Variants in LAMA1 observed in about 807,000 individuals in gnomAD.
The protein encoded by LAMA1 is laminin subunit alpha 1.
A neutral mutation model predicts 348.7 loss-of-function variants in LAMA1; 219 were observed. The observed-to-expected ratio is 0.63, with a 90% CI of 0.56 to 0.70. The LOEUF is 0.70. Among genes scored for constraint, LAMA1 ranks in the 30% least tolerant of loss-of-function variants. The pLI is 0.00. For synonymous variants in LAMA1, 1,487 were observed against 1,491.0 expected, an observed-to-expected ratio of 1.00 and a Z score of 0.06; for missense variants, 3,744 against 3,888.0, an observed-to-expected ratio of 0.96 and a Z score of 0.99.
At chr18:7,073,193 ACTGACCCTGG>A (rs1175361454) in intron 3 of LAMA1, among the ~76,000 whole-genome samples, 12 of 152,256 alleles carry the variant, frequency 7.9e-5, no homozygotes, top group Admixed American at 5.2e-4. Flanking sequence ...CATATTCCTG[ACTGACCCTGG>A]CTGACATAAT....
Position 7,016,363 on chromosome 18 carries a change from T to A in LAMA1, c.2989+128A>T, listed in dbSNP as rs1027742214. 7.6e-6 allele frequency: 8 copies of A among 1,049,440 alleles called. No individual in the cohort carries two copies. The African/African-American group carries it at 9.4e-5, about 12-fold the overall frequency. The allele number at this position is 1,049,440 out of a possible 1,614,324, so 65.0% of individuals were successfully genotyped here. On this transcript the variant is annotated intron_variant, in intron 21 of 62. Transcript: ENST00000389658. ...GGGACCAGAAACCAGAAAAAAGGTA[T>A]GAAATCCTCCAGGGAAAGAAGAGAA...
intron 7 of LAMA1, 119 bp downstream of exon 7, chr18:7,044,603 C>G (rs2058034331): frequency 2.3e-6 from 2 of 852,600 alleles, no homozygotes; most frequent in Non-Finnish European, 4.1e-6. Flanking sequence ...GCTTTGGAAA[C>G]TACTTAAATT....
At chr18:7,104,168 A>G (rs1474153139) in intron 1 of LAMA1, among the ~76,000 whole-genome samples, 6 of 151,998 alleles carry the variant, frequency 3.9e-5, no homozygotes, top group Non-Finnish European at 8.8e-5. Flanking sequence ...TAGTAGAGAC[A>G]GGGTTTCACC....
intron 1 of LAMA1, among the ~76,000 whole-genome samples, chr18:7,104,594 G>T (rs577975038): frequency 6.6e-6 from 1 of 152,326 alleles, no homozygotes; most frequent in African/African-American, 2.4e-5. Flanking sequence ...GATGTGGTTA[G>T]CAGTGGGAGA....
At chr18:6,949,068 A>C in intron 59 of LAMA1, 33 bp downstream of exon 59, 6 of 1,613,866 alleles carry the variant, frequency 3.7e-6, no homozygotes, top group Non-Finnish European at 5.1e-6. Flanking sequence ...AACACAACGA[A>C]GGTAAAATGT....
intron 56 of LAMA1, 34 bp from the exon 57 acceptor site, chr18:6,955,499 C>G: frequency 6.5e-7 from 1 of 1,535,276 alleles, no homozygotes; most frequent in Non-Finnish European, 9.0e-7. Context: ...TCAGCCGCCA[C>G]CCGCAGCCCG....
chr18:7,094,764 A>G (rs1050387766), intron 1 of LAMA1, among the ~76,000 whole-genome samples: 2 of 152,254 alleles, frequency 1.3e-5, no homozygotes, highest in Non-Finnish European at 2.9e-5. Flanking sequence ...AGTAACAACC[A>G]GGGAAATCTA....
chr18:7,041,143 A>G (rs544271521), intron 9 of LAMA1, among the ~76,000 whole-genome samples: 2 of 152,076 alleles, frequency 1.3e-5, no homozygotes, highest in Non-Finnish European at 2.9e-5. Flanking sequence ...TGTAAATTAT[A>G]AAACTGTTTT....
intron 16 of LAMA1, among the ~76,000 whole-genome samples, chr18:7,029,480 T>C (rs1467117084): frequency 6.6e-6 from 1 of 152,240 alleles, no homozygotes; most frequent in East Asian, 1.9e-4. Flanking sequence ...GTCTATGGTA[T>C]GTTTTCTTTG....
At position 7,010,312 on chromosome 18, in the gene LAMA1, A is replaced by G; in HGVS notation, c.3761T>C (p.Phe1254Ser). The G allele has an allele frequency of 6.2e-7, 1 of 1,614,170 alleles. No individual in the cohort carries two copies. Among genetic ancestry groups the G allele is most frequent in the Non-Finnish European group, 8.5e-7 (1 of 1,180,028 alleles). Reference protein sequence around the residue: ...YSLDGVGTSNFEPQVLIKGGR... With the variant: ...YSLDGVGTSNSEPQVLIKGGR... ...ACCTTTGATGAGAACTTGAGGCTCA[A>G]AATTGGAGGTGCCGACGCCATCCAA... The change falls in exon 26 of 63, where the codon TTT becomes TCT. Residue 1254 changes from phenylalanine (F) to serine (S), a missense_variant. Transcript: ENST00000389658.
rs761371354 is a variant in LAMA1 at position 6,964,813 on chromosome 18, G to C, written c.7196-10C>G. The C allele has an allele frequency of 1.9e-6, 3 of 1,614,028 alleles. No individual in the cohort carries two copies. The highest frequency in any genetic ancestry group is 1.7e-6 in the Non-Finnish European group (2 of 1,179,992). ...ATAACTGCTAGCACTCCTAAAAGGA[G>C]AGCACAGGCAAGAGATAAGAAAAGG... On this transcript the variant is annotated splice_polypyrimidine_tract_variant and intron_variant, in intron 50 of 62. Coordinates refer to ENST00000389658, the MANE Select transcript of LAMA1 (RefSeq NM_005559.4).
chr18:6,992,578 A>C lies in LAMA1; in HGVS notation c.5151T>G (p.Asn1717Lys), dbSNP rs759432528. The C allele has an allele frequency of 5.0e-6, 8 of 1,614,194 alleles. No homozygotes were observed. The East Asian group carries it at 1.8e-4, about 36-fold the overall frequency. ...AAACTTACTTGAGTTCAAGGGTGGC[A>C]TTTTGGTGCAACTGTGTGAAGTCTC... ...QIRDFTQLHQ[N>K]ATLELKAAED... The change falls in exon 36 of 63, where the codon AAT (asparagine) becomes AAG (lysine). Residue 1717 changes from asparagine to lysine, a missense_variant. By Grantham distance (94) the Asn-to-Lys change is moderately conservative. Coordinates refer to ENST00000389658, the MANE Select transcript of LAMA1 (RefSeq NM_005559.4).
At chr18:7,106,203 C>T (rs79404578) in intron 1 of LAMA1, among the ~76,000 whole-genome samples, 1,934 of 152,218 alleles carry the variant, frequency 0.013, 37 homozygotes, top group African/African-American at 0.044. Flanking sequence ...GTGGGCAGGA[C>T]GGGATCAATG....
At chr18:6,942,492 C>T (rs1039841811) in intron 62 of LAMA1, among the ~76,000 whole-genome samples, 2 of 152,072 alleles carry the variant, frequency 1.3e-5, no homozygotes, top group African/African-American at 2.4e-5. Flanking sequence ...CGGCTCACTG[C>T]AACCTCTGCC....
At chr18:7,067,544 G>A (rs2058127622) in intron 3 of LAMA1, among the ~76,000 whole-genome samples, 1 of 152,064 alleles carries the variant, frequency 6.6e-6, no homozygotes, top group Admixed American at 6.6e-5. Context: ...GAATTGGCTG[G>A]GAAGGGGGTG....
In LAMA1 at chr18:7,027,999, A is replaced by G. The variant is rs531614438; in HGVS notation, c.2275-1893T>C. ...GCTCAAAGACTTGAAGGAAACATAA[A>G]AACTGTGAAAAGAGAAATGCAAGAT... On this transcript the variant is annotated intron_variant, in intron 16 of 62. Transcript: ENST00000389658. Among the ~76,000 whole-genome samples the G allele has an allele frequency of 8.5e-4, 129 of 152,250 alleles. 1 individual carries two copies. Among genetic ancestry groups the G allele is most frequent in the African/African-American group, 3.1e-3 (127 of 41,556 alleles).
At chr18:7,066,469 T>C (rs1212881347) in intron 3 of LAMA1, among the ~76,000 whole-genome samples, 1 of 152,190 alleles carries the variant, frequency 6.6e-6, no homozygotes, top group Non-Finnish European at 1.5e-5. Context: ...ACTTGAAAAG[T>C]CTGTCCAGCC....
At chr18:7,065,852 T>G (rs565351483) in intron 3 of LAMA1, among the ~76,000 whole-genome samples, 1 of 152,332 alleles carries the variant, frequency 6.6e-6, no homozygotes, top group East Asian at 1.9e-4. Flanking sequence ...AGGTTTAAAT[T>G]TGACCTCACA....
chr18:7,012,630 C>T (rs1291443023), intron 23 of LAMA1, among the ~76,000 whole-genome samples: 2 of 150,704 alleles, frequency 1.3e-5, no homozygotes, highest in Non-Finnish European at 1.5e-5. Context: ...CTCAGCCTCC[C>T]GAGTAGCTGG....
Sources: allele counts gnomAD v4.1 joint callset (sites outside exome capture counted in the v4.1 genomes callset), GRCh38; gene constraint gnomAD v4.1.1; transcripts MANE v1.5; gene names NCBI Gene and HGNC (gene_info 2026-07-23, HGNC 2026-07-21).